DPP10: variants seen among roughly 807,000 people sequenced by gnomAD.
DPP10 encodes dipeptidyl peptidase like 10, also known as inactive dipeptidyl peptidase 10.
In DPP10, 33 loss-of-function variants were observed where a neutral mutation model predicts 120.9. That is an observed-to-expected ratio of 0.27 (90% CI 0.21 to 0.37). DPP10 has a LOEUF of 0.37. Ranked by LOEUF, DPP10 falls within the 10% of genes least tolerant of loss-of-function variation. DPP10 has a pLI of 1.00. For synonymous variants in DPP10, 337 were observed against 326.1 expected, an observed-to-expected ratio of 1.03 and a Z score of -0.36; for missense variants, 816 against 942.8, an observed-to-expected ratio of 0.87 and a Z score of 1.76.
chr2:115,707,421 TACACACACACACACAC>T (rs35961586), intron 7 of DPP10, among the ~76,000 whole-genome samples: 4 of 138,730 alleles, frequency 2.9e-5, no homozygotes, highest in Admixed American at 7.4e-5. Flanking sequence ...AAACAAATTT[TACACACACACACACAC>T]ACACACACAC....
rs569726037 is a variant in DPP10 at position 114,490,114 on chromosome 2, G to A, written c.60+47276G>A. On this transcript the variant is annotated intron_variant, in intron 1 of 25. Transcript: ENST00000410059. ...ATGACCTCTCTTGCAGCAATAGCAC[G>A]GTAGGACCTATGTTTTCCTCGAAGG... is the stretch of plus-strand genomic sequence containing the variant. Among the ~76,000 whole-genome samples, 57 of 152,262 alleles carry A rather than the reference G, an allele frequency of 3.7e-4. 1 individual carries two copies. The South Asian group carries it at 0.011, about 30-fold the overall frequency.
At chr2:114,740,717 G>T (rs1187113816) in intron 1 of DPP10, among the ~76,000 whole-genome samples, 2 of 152,068 alleles carry the variant, frequency 1.3e-5, no homozygotes, top group African/African-American at 4.8e-5. Context: ...AGTGAAAAAT[G>T]AAAGGAAAAT....
intron 12 of DPP10, among the ~76,000 whole-genome samples, chr2:115,767,928 T>C (rs1383421478): frequency 6.6e-6 from 1 of 152,188 alleles, no homozygotes; most frequent in Admixed American, 6.6e-5. Context: ...GATAAACTGA[T>C]GCAGATGTTT....
At chr2:115,466,969 A>G (rs543395467) in intron 3 of DPP10, among the ~76,000 whole-genome samples, 58 of 152,282 alleles carry the variant, frequency 3.8e-4, no homozygotes, top group African/African-American at 1.3e-3. Context: ...TTTTTGAGGA[A>G]GTACTTCTTG....
chr2:114,815,965 AG>A (rs1255605401), intron 1 of DPP10, among the ~76,000 whole-genome samples: 5 of 152,130 alleles, frequency 3.3e-5, no homozygotes, highest in Non-Finnish European at 7.4e-5. Flanking sequence ...GAGATAAAAA[AG>A]CTATCTATGA....
intron 3 of DPP10, among the ~76,000 whole-genome samples, chr2:115,391,150 T>G (rs1480962141): frequency 6.6e-6 from 1 of 152,198 alleles, no homozygotes; most frequent in Non-Finnish European, 1.5e-5. Context: ...AATGCATGAC[T>G]TATCAACATA....
chr2:115,231,950 GGTGA>G (rs2057755113), intron 1 of DPP10, among the ~76,000 whole-genome samples: 1 of 152,126 alleles, frequency 6.6e-6, no homozygotes. Context: ...AACTTTTGTG[GGTGA>G]GTTTTATGCC....
At chr2:115,567,580 A>AGTACTCAACCTCTCTAAG (rs2081079649) in intron 5 of DPP10, among the ~76,000 whole-genome samples, 3 of 151,064 alleles carry the variant, frequency 2.0e-5, no homozygotes, top group Non-Finnish European at 2.9e-5. Context: ...TTATGGAAAT[A>AGTACTCAACCTCTCTAAG]GGCAAGTGTA....
intron 1 of DPP10, among the ~76,000 whole-genome samples, chr2:114,797,400 T>A (rs1683808599): frequency 6.6e-6 from 1 of 152,206 alleles, no homozygotes; most frequent in Non-Finnish European, 1.5e-5. Flanking sequence ...CCCTGGGTGA[T>A]CTTGGGCAAG....
At chr2:115,651,703 A>G (rs925853052) in intron 5 of DPP10, among the ~76,000 whole-genome samples, 5 of 152,044 alleles carry the variant, frequency 3.3e-5, no homozygotes, top group African/African-American at 1.2e-4. Context: ...GGGGACTGGA[A>G]AAGGAAAAGA....
At chr2:115,586,707 C>T (rs1025893008) in intron 5 of DPP10, among the ~76,000 whole-genome samples, 25 of 151,994 alleles carry the variant, frequency 1.6e-4, no homozygotes, top group African/African-American at 4.6e-4. Context: ...TTCCATTTTA[C>T]TTGTTTGCCA....
intron 1 of DPP10, among the ~76,000 whole-genome samples, chr2:114,593,912 T>C (rs1052482788): frequency 7.2e-5 from 11 of 152,172 alleles, no homozygotes; most frequent in Non-Finnish European, 1.5e-4. Flanking sequence ...TTGCTGCGGT[T>C]GTGATCTTTC....
chr2:115,005,456 T>C (rs1479101423), intron 1 of DPP10, among the ~76,000 whole-genome samples: 13 of 151,224 alleles, frequency 8.6e-5, no homozygotes, highest in Admixed American at 6.6e-4. Context: ...GGCAAAGAAG[T>C]TGAAAACTTT....
At chr2:114,892,111 G>A (rs544530231) in intron 1 of DPP10, among the ~76,000 whole-genome samples, 10 of 152,224 alleles carry the variant, frequency 6.6e-5, no homozygotes, top group African/African-American at 2.4e-4. Flanking sequence ...AGAGTTGTTG[G>A]AAGACTCTTC....
intron 1 of DPP10, among the ~76,000 whole-genome samples, chr2:114,886,038 A>G (rs570143304): frequency 3.3e-5 from 5 of 152,284 alleles, no homozygotes; most frequent in Admixed American, 2.0e-4. Flanking sequence ...TGAGACTGTT[A>G]TTTCCATTAT....
At chr2:115,415,288 TATATGATCAGTTC>T (rs1479681110) in intron 3 of DPP10, among the ~76,000 whole-genome samples, 1 of 152,166 alleles carries the variant, frequency 6.6e-6, no homozygotes, top group Non-Finnish European at 1.5e-5. Context: ...GGTGCCTGCC[TATATGATCAGTTC>T]AAGTCCTAGC....
At chr2:114,924,016 G>A (rs1025163069) in intron 1 of DPP10, among the ~76,000 whole-genome samples, 2 of 152,138 alleles carry the variant, frequency 1.3e-5, no homozygotes, top group African/African-American at 2.4e-5. Context: ...GAGCCACTGG[G>A]CCCAGCTTGA....
chr2:115,732,355 C>T (rs994463601), intron 8 of DPP10, among the ~76,000 whole-genome samples: 6 of 152,160 alleles, frequency 3.9e-5, no homozygotes, highest in African/African-American at 1.4e-4. Context: ...CCCAACTAGT[C>T]ACTAAATAGA....
intron 5 of DPP10, among the ~76,000 whole-genome samples, chr2:115,593,843 A>T (rs2082829039): frequency 6.6e-6 from 1 of 152,198 alleles, no homozygotes; most frequent in African/African-American, 2.4e-5. Flanking sequence ...TTCAACAGGA[A>T]TCATTGTTCA....
Sources: gnomAD v4.1 joint callset for allele counts (sites outside exome capture counted in the v4.1 genomes callset) on GRCh38, gnomAD v4.1.1 for gene constraint, MANE v1.5 for transcripts, NCBI Gene and HGNC (gene_info 2026-07-23, HGNC 2026-07-21) for gene names.